Variants in RGS6 observed in about 807,000 individuals in gnomAD.
RGS6 encodes regulator of G protein signaling 6.
RGS6 carries 30 observed loss-of-function variants against 78.5 expected under a neutral mutation model. That is an observed-to-expected ratio of 0.38 (90% CI 0.29 to 0.52). The LOEUF is 0.52. RGS6 is among the 20% of genes least tolerant of loss of function. The pLI is 0.85. For synonymous variants in RGS6, 206 were observed against 206.0 expected (o/e 1.00, Z 0.00); for missense variants, 495 against 609.7 (o/e 0.81, Z 1.98).
the RGS6 span, among the ~76,000 whole-genome samples, chr14:72,626,697 A>G: frequency 6.6e-6 from 1 of 152,178 alleles, no homozygotes; most frequent in Admixed American, 6.5e-5. Flanking sequence ...AGATTCCTGT[A>G]GGTGAGAATG....
intron 1 of RGS6, among the ~76,000 whole-genome samples, chr14:71,951,592 A>G (rs1350529894): frequency 1.3e-5 from 2 of 152,186 alleles, no homozygotes; most frequent in Non-Finnish European, 2.9e-5. Context: ...GAATAGCTTC[A>G]TTATTTCTAA....
Position 72,495,179 on chromosome 14 carries a change from G to C in RGS6, c.882G>C (p.Val294=). ...TAATTGCCTACACGGAACAATATGT[G>C]GAATATGACCCTTTGATAACACCAG... ...ESLIAYTEQY[V]EYDPLITPAE... Residue 294 remains valine, a synonymous_variant, in exon 13 of 18, where the codon GTG becomes GTC. Coordinates refer to ENST00000553525, the MANE Select transcript of RGS6 (RefSeq NM_001204424.2). The C allele has an allele frequency of 6.2e-7, 1 of 1,613,168 alleles. No individual in the cohort carries two copies. The highest frequency in any genetic ancestry group is 8.5e-7 in the Non-Finnish European group (1 of 1,179,202).
At chr14:72,454,701 T>A (rs928413110) in intron 4 of RGS6, 123 bp downstream of exon 4, 1 of 686,470 alleles carries the variant, frequency 1.5e-6, no homozygotes, top group African/African-American at 1.8e-5. Context: ...TTCCAAGACG[T>A]GGAATCACTC....
intron 1 of RGS6, among the ~76,000 whole-genome samples, chr14:71,952,562 C>G (rs1056535698): frequency 6.6e-6 from 1 of 151,804 alleles, no homozygotes; most frequent in Non-Finnish European, 1.5e-5. Context: ...CTATTTTTGT[C>G]TGCCATCTAC....
intron 3 of RGS6, among the ~76,000 whole-genome samples, chr14:72,401,814 A>G (rs2092434158): frequency 6.6e-6 from 1 of 152,214 alleles, no homozygotes; most frequent in Non-Finnish European, 1.5e-5. Context: ...GTCTTGCCAA[A>G]CATCCTGAGG....
intron 2 of RGS6, among the ~76,000 whole-genome samples, chr14:72,152,266 GTGT>G (rs2096705126): frequency 1.5e-4 from 23 of 152,124 alleles, no homozygotes; most frequent in East Asian, 1.2e-3. Flanking sequence ...GTGTGTGTGT[GTGT>G]GTGTGCGCAT....
chr14:72,354,799 G>A (rs78729918), intron 3 of RGS6, among the ~76,000 whole-genome samples: 1,581 of 152,160 alleles, frequency 0.01, 27 homozygotes, highest in African/African-American at 0.036. Context: ...CCAAAATAGA[G>A]CCCAGATAGA....
chr14:72,537,326 C>T (rs1307630419), intron 16 of RGS6, among the ~76,000 whole-genome samples: 2 of 152,230 alleles, frequency 1.3e-5, no homozygotes, highest in Admixed American at 6.5e-5. Flanking sequence ...CTGTCACCCT[C>T]ATGTGCCAGG....
intron 15 of RGS6, among the ~76,000 whole-genome samples, chr14:72,520,242 G>GAGGATTA (rs2097017331): frequency 1.3e-5 from 2 of 152,128 alleles, no homozygotes; most frequent in Non-Finnish European, 2.9e-5. Context: ...TTTATTTGAT[G>GAGGATTA]AAGGATTTAG....
intron 2 of RGS6, among the ~76,000 whole-genome samples, chr14:72,011,590 A>G (rs1179312816): frequency 6.6e-6 from 1 of 152,216 alleles, no homozygotes; most frequent in Non-Finnish European, 1.5e-5. Context: ...TATAAAAAAA[A>G]AAAATAATGC....
intron 2 of RGS6, among the ~76,000 whole-genome samples, chr14:72,348,379 TC>T (rs2078460292): frequency 6.6e-6 from 1 of 152,192 alleles, no homozygotes; most frequent in Non-Finnish European, 1.5e-5. Context: ...GACCGGGAAA[TC>T]AATTAAATAA....
At chr14:72,307,193 A>T (rs1005632254) in intron 2 of RGS6, among the ~76,000 whole-genome samples, 1 of 152,238 alleles carries the variant, frequency 6.6e-6, no homozygotes, top group African/African-American at 2.4e-5. Context: ...ATTTTAAAAT[A>T]AGGTATATAC....
At chr14:72,423,492 T>A (rs1033352463) in intron 3 of RGS6, among the ~76,000 whole-genome samples, 3 of 152,170 alleles carry the variant, frequency 2.0e-5, no homozygotes, top group Admixed American at 6.5e-5. Context: ...TACACAGCCA[T>A]GAAAAGGATA....
At chr14:72,005,809 T>A (rs922623946) in intron 2 of RGS6, among the ~76,000 whole-genome samples, 1 of 152,116 alleles carries the variant, frequency 6.6e-6, no homozygotes, top group Non-Finnish European at 1.5e-5. Context: ...TTTACCTAAT[T>A]AGGACAAATA....
chr14:72,127,168 A>G (rs780794597), intron 2 of RGS6, among the ~76,000 whole-genome samples: 10 of 152,216 alleles, frequency 6.6e-5, no homozygotes, highest in Non-Finnish European at 1.2e-4. Context: ...CGAGATTATG[A>G]TTAACAATCA....
chr14:72,120,499 T>TATG (rs139262366), intron 2 of RGS6, among the ~76,000 whole-genome samples: 1,925 of 152,278 alleles, frequency 0.013, 36 homozygotes, highest in African/African-American at 0.044. Flanking sequence ...AATGAAAACA[T>TATG]ATTATGAAAC....
intron 2 of RGS6, among the ~76,000 whole-genome samples, chr14:71,991,891 C>G (rs1178438733): frequency 6.6e-6 from 1 of 152,178 alleles, no homozygotes. Flanking sequence ...GTTATAAGTG[C>G]AGAAGCATTC....
chr14:72,346,643 A>C (rs567184301), intron 2 of RGS6, among the ~76,000 whole-genome samples: 6 of 152,306 alleles, frequency 3.9e-5, no homozygotes, highest in Non-Finnish European at 7.4e-5. Context: ...TTTCAGAATG[A>C]GAAACCTCTG....
At chr14:71,994,602 G>A (rs116084831) in intron 2 of RGS6, among the ~76,000 whole-genome samples, 5,828 of 151,998 alleles carry the variant, frequency 0.038, 360 homozygotes, top group African/African-American at 0.13. Context: ...TATGATTGTT[G>A]CAGATGTAAT....
Sources: gnomAD v4.1 joint callset for allele counts (sites outside exome capture counted in the v4.1 genomes callset) on GRCh38, gnomAD v4.1.1 for gene constraint, MANE v1.5 for transcripts, NCBI Gene and HGNC (gene_info 2026-07-23, HGNC 2026-07-21) for gene names.